PLCL2: variants seen among roughly 807,000 people sequenced by gnomAD.
PLCL2 encodes the protein phospholipase C like 2, also known as inactive phospholipase C-like protein 2.
Under a neutral mutation model 79.6 loss-of-function variants are expected in PLCL2, and 4 were observed. The observed-to-expected ratio is 0.05, with a 90% CI of 0.02 to 0.11. The LOEUF (loss-of-function observed/expected upper bound fraction) is 0.11. Ranked by LOEUF, PLCL2 falls within the 10% of genes least tolerant of loss-of-function variation. The pLI, the probability that PLCL2 is intolerant of heterozygous loss-of-function variation, is 1.00. For missense variants in PLCL2, 895 were observed against 1,291.0 expected, an observed-to-expected ratio of 0.69 and a Z score of 4.70; for synonymous variants, 484 against 457.7, an observed-to-expected ratio of 1.06 and a Z score of -0.73.
chr3:17,044,626 T>G lies in PLCL2; in HGVS notation c.3094+1677T>G, dbSNP rs12630448. ...CTTACCCATGACATCTGTTCTAACATTCTGCACAGAGTAGTTGCCCAAATA... is the reference window on the plus strand; with the variant it reads ...CTTACCCATGACATCTGTTCTAACAGTCTGCACAGAGTAGTTGCCCAAATA... On this transcript the variant is annotated intron_variant, in intron 4 of 5. Coordinates refer to ENST00000615277, the MANE Select transcript of PLCL2 (RefSeq NM_001144382.2). Among the ~76,000 whole-genome samples, 1,248 of 152,324 alleles carry G rather than the reference T, an allele frequency of 8.2e-3. 85 individuals carry two copies. The East Asian group carries it at 0.17, about 21-fold the overall frequency.
rs571774845 is a variant in PLCL2 at position 16,959,713 on chromosome 3, T to C, written c.328-49961T>C. On this transcript the variant is annotated intron_variant, in intron 1 of 5. Transcript: ENST00000615277. The stretch of plus-strand genomic sequence containing the variant: ...TGTGGTCCTATCCTTGAACACCTAC[T>C]TGGTCGTCAATACCATATCCCATCT... Among the ~76,000 whole-genome samples, 4 of 152,300 alleles carry C rather than the reference T, an allele frequency of 2.6e-5. No individual in the cohort carries two copies. The South Asian group carries it at 8.3e-4, about 32-fold the overall frequency.
At chr3:16,946,089 T>C (rs1332710270) in intron 1 of PLCL2, among the ~76,000 whole-genome samples, 1 of 152,168 alleles carries the variant, frequency 6.6e-6, no homozygotes, top group Non-Finnish European at 1.5e-5. Context: ...GCAACAGGCT[T>C]TGAGTCTAAG....
rs376574846 is a variant in PLCL2 at position 16,990,661 on chromosome 3, A to G, written c.328-19013A>G. 1.1e-4 allele frequency among the ~76,000 whole-genome samples: 17 copies of G among 152,244 alleles called. 1 individual carries two copies. Among genetic ancestry groups the G allele is most frequent in the African/African-American group, 1.9e-4 (8 of 41,544 alleles). On this transcript the variant is annotated intron_variant, in intron 1 of 5. Transcript: ENST00000615277. ...CAGCCTCTACAGCGCTTTCATATTT[A>G]TTATCTCCTTTGTGCCTTATCAAAC...
At chr3:17,048,315 G>T (rs2064802765) in intron 4 of PLCL2, among the ~76,000 whole-genome samples, 1 of 152,078 alleles carries the variant, frequency 6.6e-6, no homozygotes, top group African/African-American at 2.4e-5. Flanking sequence ...CCACATATAT[G>T]TGAGTTTTTT....
intron 5 of PLCL2, among the ~76,000 whole-genome samples, chr3:17,085,012 A>G (rs1287333590): frequency 1.3e-5 from 2 of 152,234 alleles, no homozygotes; most frequent in Non-Finnish European, 2.9e-5. Context: ...CAGATGATAT[A>G]ATCATCTATG....
intron 1 of PLCL2, among the ~76,000 whole-genome samples, chr3:16,975,473 A>G (rs1419552420): frequency 6.6e-6 from 1 of 152,178 alleles, no homozygotes; most frequent in African/African-American, 2.4e-5. Flanking sequence ...GACCCTTGTG[A>G]GGGATCAGAA....
At chr3:16,990,397 T>A (rs1021502391) in intron 1 of PLCL2, among the ~76,000 whole-genome samples, 1 of 152,210 alleles carries the variant, frequency 6.6e-6, no homozygotes, top group Non-Finnish European at 1.5e-5. Flanking sequence ...CCCTTCTGCA[T>A]TGGTGGTCAG....
intron 3 of PLCL2, among the ~76,000 whole-genome samples, chr3:17,018,178 G>T (rs2064407088): frequency 1.3e-5 from 2 of 152,186 alleles, no homozygotes; most frequent in South Asian, 4.1e-4. Flanking sequence ...GTGTGGGATA[G>T]AAGGCACCTG....
intron 1 of PLCL2, among the ~76,000 whole-genome samples, chr3:16,890,032 G>A (rs1390165986): frequency 6.6e-6 from 1 of 152,178 alleles, no homozygotes; most frequent in Non-Finnish European, 1.5e-5. Flanking sequence ...TGGCCAATCA[G>A]CAACTCCCCA....
At chr3:17,063,883 C>T (rs1187585964) in intron 4 of PLCL2, among the ~76,000 whole-genome samples, 1 of 152,130 alleles carries the variant, frequency 6.6e-6, no homozygotes, top group Admixed American at 6.5e-5. Flanking sequence ...AAAACAAAAC[C>T]AACTTGACTT....
At chr3:17,017,234 A>C (rs1272146960) in intron 3 of PLCL2, among the ~76,000 whole-genome samples, 3 of 152,206 alleles carry the variant, frequency 2.0e-5, no homozygotes, top group African/African-American at 7.2e-5. Context: ...GGCAAGACAG[A>C]ATATGCTAGC....
chr3:16,917,305 G>C (rs952418938), intron 1 of PLCL2, among the ~76,000 whole-genome samples: 3 of 152,162 alleles, frequency 2.0e-5, no homozygotes, highest in Admixed American at 6.5e-5. Context: ...AGTCTTAACA[G>C]CTTTTGTTTT....
In PLCL2 at chr3:17,012,021, G is replaced by A. The variant is rs1429117888; in HGVS notation, c.2675G>A (p.Arg892Lys). 1 of 1,614,058 alleles carries A rather than the reference G, an allele frequency of 6.2e-7. No homozygotes were observed. The highest frequency in any genetic ancestry group is 1.7e-5 in the Admixed American group (1 of 60,002). ...NRRGGGKPHKRGLSVRKGKKS... is the reference protein window; with the variant it reads ...NRRGGGKPHKKGLSVRKGKKS... ...AGAGGAGGAGGAAAGCCTCATAAAA[G>A]GGGCCTTTCTGTGAGAAAAGGGAAG... The change falls in exon 2 of 6, where the codon AGG becomes AAG. Residue 892 changes from arginine to lysine, a missense_variant. By Grantham distance (26) the Arg-to-Lys change is conservative (BLOSUM62 2). This residue lies in a region of PLCL2 where 298 missense variants were observed against 459.6 expected (regional missense o/e 0.65). Coordinates refer to ENST00000615277, the MANE Select transcript of PLCL2 (RefSeq NM_001144382.2).
At chr3:17,040,529 C>T (rs2064708658) in intron 3 of PLCL2, among the ~76,000 whole-genome samples, 1 of 152,122 alleles carries the variant, frequency 6.6e-6, no homozygotes, top group South Asian at 2.1e-4. Context: ...TTGGGGCTAC[C>T]AGAAAATGCT....
intron 1 of PLCL2, among the ~76,000 whole-genome samples, chr3:16,900,092 C>T (rs1275344277): frequency 6.6e-6 from 1 of 152,068 alleles, no homozygotes; most frequent in Non-Finnish European, 1.5e-5. Flanking sequence ...GGGTTGGGCA[C>T]GATTGTTTTA....
chr3:16,965,579 G>A lies in PLCL2; in HGVS notation c.328-44095G>A, dbSNP rs541547667. Among the ~76,000 whole-genome samples the A allele has an allele frequency of 4.2e-3, 641 of 151,928 alleles. 2 individuals are homozygous for A. The highest frequency in any genetic ancestry group is 0.015 in the African/African-American group (613 of 41,488). ...GAAGAAAGTCATTGGTAGCTTGATG[G>A]GGATGGCATTGAATCTATAAATTAC... is the stretch of plus-strand genomic sequence containing the variant. On this transcript the variant is annotated intron_variant, in intron 1 of 5. Transcript: ENST00000615277.
chr3:16,907,650 C>T (rs963852685), intron 1 of PLCL2, among the ~76,000 whole-genome samples: 7 of 152,132 alleles, frequency 4.6e-5, no homozygotes, highest in African/African-American at 1.2e-4. Context: ...GTTTCCTTAT[C>T]TCTAAAATGT....
At chr3:17,020,922 G>A (rs2064444235) in intron 3 of PLCL2, among the ~76,000 whole-genome samples, 1 of 152,134 alleles carries the variant, frequency 6.6e-6, no homozygotes, top group African/African-American at 2.4e-5. Context: ...TTAATTCAGT[G>A]AAGAGATAAA....
intron 5 of PLCL2, among the ~76,000 whole-genome samples, chr3:17,072,150 C>T (rs1049308937): frequency 6.6e-6 from 1 of 151,962 alleles, no homozygotes; most frequent in Non-Finnish European, 1.5e-5. Context: ...TATAATTGTT[C>T]TTTAAAAATT....
Sources: gnomAD v4.1 joint callset for allele counts (sites outside exome capture counted in the v4.1 genomes callset) on GRCh38, gnomAD v4.1.1 for gene constraint, gnomAD v4.1.1 regional missense constraint, MANE v1.5 for transcripts, NCBI Gene and HGNC (gene_info 2026-07-23, HGNC 2026-07-21) for gene names.